Variants in MUSK observed in about 807,000 individuals in gnomAD.
MUSK encodes muscle, skeletal receptor tyrosine-protein kinase.
In MUSK, 55 loss-of-function variants were observed where a neutral mutation model predicts 88.7. The observed-to-expected ratio is 0.62, with a 90% CI of 0.50 to 0.78. The LOEUF is 0.78. Among genes scored for constraint, MUSK ranks in the 30% least tolerant of loss-of-function variants. The pLI, the probability that MUSK is intolerant of heterozygous loss-of-function variation, is 0.00. For missense variants in MUSK, 1,015 were observed against 1,074.3 expected, an observed-to-expected ratio of 0.94 and a Z score of 0.77; for synonymous variants, 387 against 391.9, an observed-to-expected ratio of 0.99 and a Z score of 0.15.
intron 1 of MUSK, among the ~76,000 whole-genome samples, chr9:110,681,066 TA>T (rs1446561567): frequency 7.4e-5 from 1 of 13,578 alleles, no homozygotes; most frequent in Non-Finnish European, 1.4e-4. Flanking sequence ...ATTATATATA[TA>T]ATATTATATA....
At chr9:110,682,161 C>T (rs2076143061) in intron 1 of MUSK, among the ~76,000 whole-genome samples, 1 of 152,060 alleles carries the variant, frequency 6.6e-6, no homozygotes. Flanking sequence ...TTCAGATTCT[C>T]TCATTTGCAG....
chr9:110,674,104 C>T (rs2075994701), intron 1 of MUSK, among the ~76,000 whole-genome samples: 1 of 151,934 alleles, frequency 6.6e-6, no homozygotes, highest in South Asian at 2.1e-4. Context: ...GGATTTGTTG[C>T]TCTTGTTTAT....
At chr9:110,706,940 G>T (rs1027972517) in intron 5 of MUSK, among the ~76,000 whole-genome samples, 1 of 152,038 alleles carries the variant, frequency 6.6e-6, no homozygotes, top group Non-Finnish European at 1.5e-5. Flanking sequence ...GGAGGTGGAG[G>T]TTGCAGTGAG....
intron 1 of MUSK, among the ~76,000 whole-genome samples, chr9:110,680,522 T>C (rs2076094601): frequency 6.6e-6 from 1 of 151,814 alleles, no homozygotes; most frequent in African/African-American, 2.4e-5. Flanking sequence ...TAGCTGGGAC[T>C]ACAGGTGTGC....
chr9:110,668,842 T>A lies in MUSK; in HGVS notation c.-63T>A. ...ACAAAGTATGCTTTAAAATGTAAACTGTGGAGCCATTTTCCTTGCGTTGTC... is the reference window on the plus strand; with the variant it reads ...ACAAAGTATGCTTTAAAATGTAAACAGTGGAGCCATTTTCCTTGCGTTGTC... On this transcript the variant is annotated 5_prime_UTR_variant, in exon 1 of 15. Transcript: ENST00000374448. The A allele has an allele frequency of 7.7e-7, 1 of 1,299,498 alleles. No homozygotes were observed. The highest frequency in any genetic ancestry group is 1.1e-6 in the Non-Finnish European group (1 of 895,278). The allele number at this position is 1,299,498 out of a possible 1,614,324, so 80.5% of individuals were successfully genotyped here. A position where few individuals can be genotyped will look rare whatever the true frequency, so the allele number is the denominator to read the frequency against.
At chr9:110,731,385 T>TA (rs1223722048) in intron 5 of MUSK, among the ~76,000 whole-genome samples, 5 of 152,036 alleles carry the variant, frequency 3.3e-5, no homozygotes, top group Admixed American at 3.3e-4. Flanking sequence ...GAGAAAGTAC[T>TA]ATGATAAGGA....
chr9:110,762,302 C>T (rs1434364635), intron 8 of MUSK, 94 bp downstream of exon 8: 1 of 1,000,514 alleles, frequency 1.0e-6, no homozygotes, highest in East Asian at 2.8e-5. Context: ...CTTGTGTTGC[C>T]CAGGCTGGAG....
At chr9:110,773,804 A>G (rs1259293851) in intron 9 of MUSK, among the ~76,000 whole-genome samples, 2 of 152,178 alleles carry the variant, frequency 1.3e-5, no homozygotes, top group Non-Finnish European at 2.9e-5. Context: ...GTTGTAATAA[A>G]GAGGAAGAAG....
chr9:110,715,779 T>C (rs953242449), intron 5 of MUSK, among the ~76,000 whole-genome samples: 1 of 149,136 alleles, frequency 6.7e-6, no homozygotes. Flanking sequence ...TGCCATGGAA[T>C]ACTATGCAGC....
rs1178453701 is a variant in MUSK, at chr9:110,806,524, CAAA to C, written c.*5539_*5541del. On this transcript the variant is annotated 3_prime_UTR_variant, in exon 15 of 15. Coordinates refer to ENST00000374448, the MANE Select transcript of MUSK (RefSeq NM_005592.4). The stretch of plus-strand genomic sequence containing the variant: ...TAGATTGATTCTAAACATCAAAAAA[CAAA>C]AATAAAATATCTGCAATTATGTGAT... Among the ~76,000 whole-genome samples the C allele has an allele frequency of 6.6e-6, 1 of 152,002 alleles. No homozygotes were observed.
chr9:110,692,967 G>A (rs2076378307), intron 3 of MUSK, among the ~76,000 whole-genome samples: 1 of 151,928 alleles, frequency 6.6e-6, no homozygotes, highest in African/African-American at 2.4e-5. Context: ...CAGTTAATTA[G>A]GATAAAAAGC....
At chr9:110,711,988 T>G (rs1440863951) in intron 5 of MUSK, among the ~76,000 whole-genome samples, 8 of 152,136 alleles carry the variant, frequency 5.3e-5, no homozygotes, top group Non-Finnish European at 1.0e-4. Context: ...ATGAATTCTG[T>G]CCAGTGGAAA....
At position 110,704,824 on chromosome 9, in the gene MUSK, A is replaced by G. The variant is rs779450845; in HGVS notation, c.628+7358A>G. On this transcript the variant is annotated intron_variant, in intron 5 of 14. Coordinates refer to ENST00000374448, the MANE Select transcript of MUSK (RefSeq NM_005592.4). ...CATGGTGAAACCCCATCTCTACTAA[A>G]AATACAAAAAATTATCTGGGCATGG... Among the ~76,000 whole-genome samples, 8 of 152,098 alleles carry G rather than the reference A, an allele frequency of 5.3e-5. No homozygotes were observed. The South Asian group carries it at 8.3e-4, about 16-fold the overall frequency.
intron 11 of MUSK, among the ~76,000 whole-genome samples, chr9:110,776,870 T>A (rs2077680001): frequency 6.6e-6 from 1 of 152,204 alleles, no homozygotes. Flanking sequence ...CCATATTTAG[T>A]GAGTCATACA....
chr9:110,784,819 C>G lies in MUSK; in HGVS notation c.1389C>G (p.Phe463Leu). The change falls in exon 12 of 15, where the codon TTC (phenylalanine) becomes TTG (leucine). Residue 463 changes from phenylalanine (F) to leucine (L), a missense_variant. Physicochemically the swap from Phe to Leu is conservative, Grantham distance 22. Coordinates refer to ENST00000374448, the MANE Select transcript of MUSK (RefSeq NM_005592.4). ...ATAATTATTCTTTACTTACAGCATT[C>G]CCACCAATGACGTCCTCAAAGCCAA... The part of the protein sequence containing the change: ...LDYNKENLKT[F>L]PPMTSSKPSV... 2 of 1,605,258 alleles carry G rather than the reference C, an allele frequency of 1.2e-6. No homozygotes were observed. The highest frequency in any genetic ancestry group is 1.7e-6 in the Non-Finnish European group (2 of 1,175,344).
At chr9:110,693,819 C>T (rs2076390688) in intron 3 of MUSK, among the ~76,000 whole-genome samples, 1 of 152,092 alleles carries the variant, frequency 6.6e-6, no homozygotes, top group Non-Finnish European at 1.5e-5. Flanking sequence ...CTATGGAAGG[C>T]ATAGATAACA....
chr9:110,698,953 T>G (rs1355507713), intron 5 of MUSK, among the ~76,000 whole-genome samples: 1 of 152,172 alleles, frequency 6.6e-6, no homozygotes, highest in Non-Finnish European at 1.5e-5. Context: ...ATTAATGCTA[T>G]CCATTTGTAT....
At chr9:110,772,986 T>A (rs527585387) in intron 9 of MUSK, among the ~76,000 whole-genome samples, 1 of 151,834 alleles carries the variant, frequency 6.6e-6, no homozygotes, top group African/African-American at 2.4e-5. Flanking sequence ...AGTAATTGTG[T>A]TTTTTTTCCA....
chr9:110,674,279 T>A (rs2075996648), intron 1 of MUSK, among the ~76,000 whole-genome samples: 1 of 152,166 alleles, frequency 6.6e-6, no homozygotes, highest in Non-Finnish European at 1.5e-5. Context: ...CAAGAACTTA[T>A]ATAATAATAA....
Sources: allele counts gnomAD v4.1 joint callset (sites outside exome capture counted in the v4.1 genomes callset), GRCh38; gene constraint gnomAD v4.1.1; transcripts MANE v1.5; gene names NCBI Gene and HGNC (gene_info 2026-07-23, HGNC 2026-07-21).